Variants in RASAL2 observed in about 807,000 individuals in gnomAD.
The protein encoded by RASAL2 is RAS protein activator like 2.
In RASAL2, 58 loss-of-function variants were observed where a neutral mutation model predicts 128.9. The observed-to-expected ratio is 0.45, with a 90% CI of 0.36 to 0.56. The LOEUF (loss-of-function observed/expected upper bound fraction) is 0.56, where lower values mean the gene tolerates loss of function less well. Among genes scored for constraint, RASAL2 ranks in the 20% least tolerant of loss-of-function variants. RASAL2 has a pLI of 0.00. For synonymous variants in RASAL2, 561 were observed against 580.8 expected (o/e 0.97, Z 0.49); for missense variants, 1,360 against 1,601.6 (o/e 0.85, Z 2.57).
chr1:178,386,212 G>A (rs964524564), intron 3 of RASAL2, among the ~76,000 whole-genome samples: 23 of 152,144 alleles, frequency 1.5e-4, no homozygotes, highest in Non-Finnish European at 2.8e-4. Context: ...AAGAAAGTGC[G>A]TTGACATAGA....
intron 1 of RASAL2, among the ~76,000 whole-genome samples, chr1:178,123,548 A>G (rs946489084): frequency 2.6e-5 from 4 of 152,230 alleles, no homozygotes; most frequent in Admixed American, 6.5e-5. Context: ...TACATGTTCA[A>G]ACTTGCTTTG....
chr1:178,296,336 G>T (rs1321196790), intron 2 of RASAL2, among the ~76,000 whole-genome samples: 2 of 151,922 alleles, frequency 1.3e-5, no homozygotes, highest in African/African-American at 2.4e-5. Flanking sequence ...CCTATAAAAT[G>T]GAATGAAATT....
At chr1:178,280,346 G>A (rs1468869841) in intron 1 of RASAL2, among the ~76,000 whole-genome samples, 1 of 151,858 alleles carries the variant, frequency 6.6e-6, no homozygotes. Context: ...TAAAAGAGTC[G>A]CTCTTTTAAT....
chr1:178,345,074 C>T (rs903125308), intron 3 of RASAL2, among the ~76,000 whole-genome samples: 8 of 152,106 alleles, frequency 5.3e-5, no homozygotes, highest in Middle Eastern at 3.2e-3. Flanking sequence ...CTCTGGTACC[C>T]TCCTTGCCCC....
At chr1:178,288,854 T>C (rs915455823) in intron 2 of RASAL2, among the ~76,000 whole-genome samples, 6 of 151,984 alleles carry the variant, frequency 3.9e-5, no homozygotes, top group Admixed American at 6.6e-5. Flanking sequence ...TTTCACCATG[T>C]TGGCCAGGCT....
rs1394946393 is a variant in RASAL2, at chr1:178,474,350, G to A, written c.*1111G>A. On this transcript the variant is annotated 3_prime_UTR_variant, in exon 18 of 18. Transcript: ENST00000367649. ...CATTGTACTAGCAAATCTATGGGGGGTAATTTTATCTCCATCTTTAACTTT... is the reference window on the plus strand; with the variant it reads ...CATTGTACTAGCAAATCTATGGGGGATAATTTTATCTCCATCTTTAACTTT... 6.6e-6 allele frequency: 1 copy of A among 152,242 alleles called. No individual in the cohort carries two copies. The highest frequency in any genetic ancestry group is 6.5e-5 in the Admixed American group (1 of 15,268). The allele number at this position is 152,242 out of a possible 1,614,324, so 9.4% of individuals were successfully genotyped here. A position where few individuals can be genotyped will look rare whatever the true frequency, so the allele number is the denominator to read the frequency against.
intron 5 of RASAL2, among the ~76,000 whole-genome samples, chr1:178,437,152 T>C (rs1450816520): frequency 6.6e-6 from 1 of 152,130 alleles, no homozygotes; most frequent in East Asian, 1.9e-4. Flanking sequence ...CCTGAGGGGC[T>C]GGGTGCAGCC....
Position 178,411,016 on chromosome 1 carries a change from C to T in RASAL2, c.565-9495C>T, listed in dbSNP as rs546848907. Among the ~76,000 whole-genome samples, 21 of 152,296 alleles carry T rather than the reference C, an allele frequency of 1.4e-4. No homozygotes were observed. In the South Asian group the frequency reaches 4.4e-3, roughly 32 times the overall value. On this transcript the variant is annotated intron_variant, in intron 4 of 17. Coordinates refer to ENST00000367649, the MANE Select transcript of RASAL2 (RefSeq NM_170692.4). ...GCCATTTGATCCAGCAATCCCACTA[C>T]TGGATATCTACCCAGAGGAAAAGAA...
At chr1:178,441,697 A>ATC (rs774281817) in intron 7 of RASAL2, 50 bp downstream of exon 7, 33 of 1,424,896 alleles carry the variant, frequency 2.3e-5, no homozygotes, top group Non-Finnish European at 4.9e-6. Flanking sequence ...GTAAGCAGTT[A>ATC]ATTGATAGAA....
intron 4 of RASAL2, among the ~76,000 whole-genome samples, chr1:178,403,238 T>C (rs1485163970): frequency 2.0e-5 from 3 of 152,176 alleles, no homozygotes; most frequent in Non-Finnish European, 4.4e-5. Context: ...TTTAGTTTGG[T>C]TTTAATAATT....
intron 1 of RASAL2, among the ~76,000 whole-genome samples, chr1:178,273,387 T>C (rs1219778486): frequency 6.6e-6 from 1 of 152,222 alleles, no homozygotes; most frequent in Non-Finnish European, 1.5e-5. Flanking sequence ...TATTGCCTTA[T>C]TTGCATTCAT....
chr1:178,258,224 G>C (rs1052482879), intron 1 of RASAL2, among the ~76,000 whole-genome samples: 1 of 150,774 alleles, frequency 6.6e-6, no homozygotes, highest in Non-Finnish European at 1.5e-5. Context: ...AACCCGGGAG[G>C]TGGAGTTTGC....
intron 3 of RASAL2, among the ~76,000 whole-genome samples, chr1:178,336,045 C>T (rs1669570128): frequency 6.6e-6 from 1 of 152,070 alleles, no homozygotes; most frequent in South Asian, 2.1e-4. Flanking sequence ...CACTTTGTGA[C>T]CTTGGGCAAG....
chr1:178,190,849 G>A (rs1662471374), intron 1 of RASAL2, among the ~76,000 whole-genome samples: 3 of 152,058 alleles, frequency 2.0e-5, no homozygotes, highest in Admixed American at 2.0e-4. Context: ...GAATTTGTAT[G>A]TGAATTAAAC....
At chr1:178,338,529 C>T (rs1302049004) in intron 3 of RASAL2, among the ~76,000 whole-genome samples, 1 of 152,132 alleles carries the variant, frequency 6.6e-6, no homozygotes, top group African/African-American at 2.4e-5. Context: ...AGGGAAAATA[C>T]ATTATCTACA....
At chr1:178,439,350 C>T in intron 5 of RASAL2, 72 bp from the exon 6 acceptor site, 10 of 1,319,762 alleles carry the variant, frequency 7.6e-6, no homozygotes, top group Admixed American at 7.0e-5. Flanking sequence ...TATTGTTATC[C>T]TCCATTGCAT....
chr1:178,209,681 C>G (rs1262432885), intron 1 of RASAL2, among the ~76,000 whole-genome samples: 1 of 151,862 alleles, frequency 6.6e-6, no homozygotes, highest in Admixed American at 6.6e-5. Flanking sequence ...CTCCTTTTCT[C>G]TCTTTTTCTC....
intron 3 of RASAL2, among the ~76,000 whole-genome samples, chr1:178,334,745 G>A (rs1277535674): frequency 6.6e-6 from 1 of 152,180 alleles, no homozygotes; most frequent in Non-Finnish European, 1.5e-5. Context: ...GACCCATGAG[G>A]TCAAGAGATG....
intron 1 of RASAL2, among the ~76,000 whole-genome samples, chr1:178,143,057 C>G (rs1660591207): frequency 6.6e-6 from 1 of 151,886 alleles, no homozygotes; most frequent in South Asian, 2.1e-4. Flanking sequence ...TTGAAAAGGC[C>G]TGACTGGAGA....
Sources: allele counts gnomAD v4.1 joint callset (sites outside exome capture counted in the v4.1 genomes callset), GRCh38; gene constraint gnomAD v4.1.1; transcripts MANE v1.5; gene names NCBI Gene and HGNC (gene_info 2026-07-23, HGNC 2026-07-21).